Variants in CCS observed in about 807,000 individuals in gnomAD.
The protein encoded by CCS is copper chaperone for superoxide dismutase, also known as superoxide dismutase copper chaperone.
A neutral mutation model predicts 35.5 loss-of-function variants in CCS; 32 were observed. The observed-to-expected ratio is 0.90, with a 90% CI of 0.68 to 1.21. The LOEUF (loss-of-function observed/expected upper bound fraction) is 1.21, where lower values mean the gene tolerates loss of function less well. CCS is among the 50% of genes most tolerant of loss of function. CCS has a pLI of 0.00. For synonymous variants in CCS, 130 were observed against 147.2 expected, an observed-to-expected ratio of 0.88 and a Z score of 0.84; for missense variants, 342 against 375.4, an observed-to-expected ratio of 0.91 and a Z score of 0.73.
At chr11:66,597,198 C>A (rs1428823145) in intron 2 of CCS, among the ~76,000 whole-genome samples, 1 of 152,202 alleles carries the variant, frequency 6.6e-6, no homozygotes, top group African/African-American at 2.4e-5. Flanking sequence ...GTGGCTCACA[C>A]CTGTAATTCC....
intron 1 of CCS, 119 bp from the exon 2 acceptor site, chr11:66,593,523 G>T: frequency 9.1e-7 from 1 of 1,095,824 alleles, no homozygotes; most frequent in East Asian, 2.6e-5. Context: ...GGTGCTTGAA[G>T]AGGGGTTAAG....
Position 66,605,433 on chromosome 11 carries a change from G to C in CCS, c.567+17G>C. On this transcript the variant is annotated intron_variant, in intron 6 of 7. Transcript: ENST00000533244. ...CAGCTGAAGGTAAGGTGGAAAAGAA[G>C]GTGGGCACCCTTCCTAACAGGGTCC... The C allele has an allele frequency of 1.2e-6, 2 of 1,614,070 alleles. No homozygotes were observed. Among genetic ancestry groups the C allele is most frequent in the Non-Finnish European group, 1.7e-6 (2 of 1,179,940 alleles).
rs200121959 is a variant in CCS, at chr11:66,605,344, C to T, written c.495C>T (p.Arg165=). The change falls in exon 6 of 8, where the codon CGC becomes CGT. Residue 165 remains arginine (R), a synonymous_variant. Transcript: ENST00000533244. ...HGGPQDSDRH[R]GDLGNVRADA... ...CACACTGGATCTCATTCCAGCACCG[C>T]GGAGACCTGGGCAATGTCCGTGCTG... 4.5e-5 allele frequency: 72 copies of T among 1,614,152 alleles called. No individual in the cohort carries two copies. The highest frequency in any genetic ancestry group is 1.7e-4 in the Admixed American group (10 of 60,014).
intron 2 of CCS, 69 bp downstream of exon 2, chr11:66,593,783 G>T: frequency 7.1e-7 from 1 of 1,402,950 alleles, no homozygotes; most frequent in Non-Finnish European, 1.0e-6. Flanking sequence ...GAATCTATTA[G>T]GCGAACCCTA....
intron 7 of CCS, 38 bp downstream of exon 7, chr11:66,605,630 C>G (rs765805083): frequency 6.2e-7 from 1 of 1,600,942 alleles, no homozygotes. Context: ...CTGTGCTCTG[C>G]GGATGGTGCA....
intron 2 of CCS, among the ~76,000 whole-genome samples, chr11:66,596,034 G>T (rs1328627538): frequency 6.6e-6 from 1 of 152,136 alleles, no homozygotes; most frequent in Non-Finnish European, 1.5e-5. Context: ...TCCTTTGATG[G>T]GTTCCCCATT....
intron 5 of CCS, chr11:66,605,094 A>G (rs1858631865): frequency 6.8e-7 from 1 of 1,473,142 alleles, no homozygotes; most frequent in Non-Finnish European, 9.0e-7. Flanking sequence ...CCAGGATTTC[A>G]GTTCCAGGGA....
At chr11:66,600,370 A>G in intron 4 of CCS, 119 bp from the exon 5 acceptor site, 1 of 530,992 alleles carries the variant, frequency 1.9e-6, no homozygotes, top group Non-Finnish European at 3.3e-6. Context: ...AGCACAGAGT[A>G]GGCCTGTTTG....
chr11:66,602,449 C>T (rs992210842), intron 5 of CCS, among the ~76,000 whole-genome samples: 3 of 151,790 alleles, frequency 2.0e-5, no homozygotes, highest in Non-Finnish European at 2.9e-5. Flanking sequence ...AGTGAATGAG[C>T]GAGAGAGAGA....
rs779228954 is a variant in CCS, at chr11:66,593,294, C to T, written c.33C>T (p.Leu11=). The T allele has an allele frequency of 2.0e-5, 31 of 1,551,024 alleles. No individual in the cohort carries two copies. The South Asian group carries it at 3.7e-4, about 19-fold the overall frequency. MASDSGNQGT[L]CTLEFAVQMT... ...CGGATTCGGGGAACCAGGGGACCCT[C>T]TGCACGGTGAGGGTCGAGGCTTCGT... The change falls in exon 1 of 8, where the codon CTC becomes CTT. Residue 11 remains leucine, a synonymous_variant. Transcript: ENST00000533244.
At position 66,597,867 on chromosome 11, in the gene CCS, G is replaced by A. The variant is rs1367499878; in HGVS notation, c.113-1249G>A. ...ACCCAGGAGGCAGAGGTTGCAGTGA[G>A]CCAAGATTATGCCACTGCTCTCCAG... On this transcript the variant is annotated intron_variant, in intron 2 of 7. Transcript: ENST00000533244. 3.3e-5 allele frequency among the ~76,000 whole-genome samples: 5 copies of A among 152,002 alleles called. No individual in the cohort carries two copies. The South Asian group carries it at 1.0e-3, about 32-fold the overall frequency.
chr11:66,599,323 A>G, intron 3 of CCS, 70 bp downstream of exon 3: 1 of 1,514,102 alleles, frequency 6.6e-7, no homozygotes, highest in African/African-American at 1.4e-5. Flanking sequence ...ATCTAATCAT[A>G]GGATTCTCAG....
chr11:66,597,035 G>A (rs1858488368), intron 2 of CCS, among the ~76,000 whole-genome samples: 1 of 152,190 alleles, frequency 6.6e-6, no homozygotes, highest in Non-Finnish European at 1.5e-5. Context: ...TAACTTAGAG[G>A]CTTAGTAGGA....
rs1193419706 is a variant in CCS at position 66,605,403 on chromosome 11, A to T, written c.554A>T (p.Asp185Val). The T allele has an allele frequency of 5.0e-6, 8 of 1,614,170 alleles. No individual in the cohort carries two copies. The highest frequency in any genetic ancestry group is 1.1e-5 in the South Asian group (1 of 91,076). ...ADGRAIFRME[D>V]EQLKVWDVIG... ...GGCCGCGCCATCTTCAGAATGGAGG[A>T]TGAGCAGCTGAAGGTAAGGTGGAAA... The change falls in exon 6 of 8, where the codon GAT becomes GTT. Residue 185 changes from aspartate (D) to valine (V), a missense_variant. Asp to Val is a radical substitution (Grantham distance 152). Transcript: ENST00000533244.
chr11:66,603,945 T>G (rs1376047163), intron 5 of CCS, among the ~76,000 whole-genome samples: 2 of 151,540 alleles, frequency 1.3e-5, no homozygotes, highest in Non-Finnish European at 1.5e-5. Flanking sequence ...GAGAATTGCT[T>G]GAACCTGGGG....
chr11:66,593,239 T>A lies in CCS; in HGVS notation c.-23T>A, dbSNP rs369185929. On this transcript the variant is annotated 5_prime_UTR_variant, in exon 1 of 8. Transcript: ENST00000533244. ...TCCTGCGCCGGAGGAGTTCTGCGTCTCGGGGTGGTGACTGGGTCCAGAATG... is the reference window on the plus strand; with the variant it reads ...TCCTGCGCCGGAGGAGTTCTGCGTCACGGGGTGGTGACTGGGTCCAGAATG... 2.8e-5 allele frequency: 44 copies of A among 1,558,726 alleles called. No homozygotes were observed. The African/African-American group carries it at 5.7e-4, about 20-fold the overall frequency.
rs570171022 is a variant in CCS at position 66,598,996 on chromosome 11, C to T, written c.113-120C>T. 20 of 1,212,596 alleles carry T rather than the reference C, an allele frequency of 1.6e-5. No individual in the cohort carries two copies. The African/African-American group carries it at 2.8e-4, about 17-fold the overall frequency. 75.1% of individuals were successfully genotyped at this position (1,212,596 alleles called of 1,614,324 possible). ...GGTTACACAGTTACGAAGTAGCTTG[C>T]CTCTGACCATGGGAAGTTTGGTGGA... is the stretch of plus-strand genomic sequence containing the variant. On this transcript the variant is annotated intron_variant, in intron 2 of 7. Transcript: ENST00000533244.
At position 66,605,400 on chromosome 11, in the gene CCS, A is replaced by G. The variant is rs1478603087; in HGVS notation, c.551A>G (p.Glu184Gly). 6.2e-7 allele frequency: 1 copy of G among 1,614,162 alleles called. No homozygotes were observed. The highest frequency in any genetic ancestry group is 1.3e-5 in the African/African-American group (1 of 75,034). ...DADGRAIFRM[E>G]DEQLKVWDVI... ...GACGGCCGCGCCATCTTCAGAATGG[A>G]GGATGAGCAGCTGAAGGTAAGGTGG... is the stretch of plus-strand genomic sequence containing the variant. Residue 184 changes from glutamate to glycine, a missense_variant, in exon 6 of 8, where the codon GAG becomes GGG. By Grantham distance (98) the Glu-to-Gly change is moderately conservative. Transcript: ENST00000533244.
At chr11:66,593,551 C>A (rs1565321375) in intron 1 of CCS, 91 bp from the exon 2 acceptor site, 10 of 1,346,780 alleles carry the variant, frequency 7.4e-6, no homozygotes, top group Admixed American at 1.9e-5. Flanking sequence ...TGTTCCCAGA[C>A]CCTTGCGGTG....
Sources: allele counts gnomAD v4.1 joint callset (sites outside exome capture counted in the v4.1 genomes callset), GRCh38; gene constraint gnomAD v4.1.1; transcripts MANE v1.5; gene names NCBI Gene and HGNC (gene_info 2026-07-23, HGNC 2026-07-21).